The following ZNF385D variants were observed in gnomAD, a reference collection of about 807,000 sequenced individuals.
The protein encoded by ZNF385D is zinc finger protein 659.
A neutral mutation model predicts 35.8 loss-of-function variants in ZNF385D; 15 were observed. The ratio of observed to expected loss-of-function variants is 0.42; its 90% CI spans 0.28 to 0.64. The LOEUF is 0.64. ZNF385D is among the 30% of genes least tolerant of loss of function. ZNF385D has a pLI of 0.23. For missense variants in ZNF385D, 474 were observed against 494.6 expected, an observed-to-expected ratio of 0.96 and a Z score of 0.39; for synonymous variants, 212 against 186.8, an observed-to-expected ratio of 1.13 and a Z score of -1.10.
chr3:21,488,787 G>A (rs1705210926), intron 4 of ZNF385D, among the ~76,000 whole-genome samples: 1 of 151,916 alleles, frequency 6.6e-6, no homozygotes, highest in Non-Finnish European at 1.5e-5. Flanking sequence ...TTTTTTCTTA[G>A]GCCAGAGTTT....
chr3:21,995,287 G>A (rs1271113914), intron 3 of ZNF385D, among the ~76,000 whole-genome samples: 1 of 152,188 alleles, frequency 6.6e-6, no homozygotes, highest in Non-Finnish European at 1.5e-5. Context: ...GTGGCAAAAG[G>A]CCATGTGGGT....
intron 1 of ZNF385D, among the ~76,000 whole-genome samples, chr3:21,737,517 T>C (rs2069303917): frequency 6.6e-6 from 1 of 152,034 alleles, no homozygotes; most frequent in South Asian, 2.1e-4. Flanking sequence ...GATACGTATG[T>C]ATACGAAATA....
At chr3:21,971,323 G>A (rs1035725439) in intron 3 of ZNF385D, among the ~76,000 whole-genome samples, 2 of 151,948 alleles carry the variant, frequency 1.3e-5, no homozygotes, top group Non-Finnish European at 2.9e-5. Context: ...ACAGGATGAT[G>A]ATGTTAAAGT....
intron 3 of ZNF385D, among the ~76,000 whole-genome samples, chr3:21,993,707 A>G (rs1695290933): frequency 6.6e-6 from 1 of 152,188 alleles, no homozygotes; most frequent in Non-Finnish European, 1.5e-5. Flanking sequence ...TCACAATGCA[A>G]TGTTCCTTCC....
At chr3:22,179,589 G>T (rs1046852910) in intron 2 of ZNF385D, among the ~76,000 whole-genome samples, 6 of 152,078 alleles carry the variant, frequency 3.9e-5, no homozygotes, top group African/African-American at 4.8e-5. Context: ...TCCTTCTCCT[G>T]CCTGATTGCC....
At chr3:21,709,066 G>C (rs562340441) in intron 1 of ZNF385D, among the ~76,000 whole-genome samples, 1 of 152,100 alleles carries the variant, frequency 6.6e-6, no homozygotes, top group Admixed American at 6.5e-5. Context: ...ACTCTCACAG[G>C]CTCAATACTT....
intron 4 of ZNF385D, among the ~76,000 whole-genome samples, chr3:21,452,893 G>A (rs1027992829): frequency 1.3e-5 from 2 of 151,792 alleles, no homozygotes; most frequent in Non-Finnish European, 2.9e-5. Context: ...GTACTAAATA[G>A]CCAAAATGAT....
chr3:21,618,797 C>T (rs987802906), intron 2 of ZNF385D, among the ~76,000 whole-genome samples: 2 of 152,036 alleles, frequency 1.3e-5, no homozygotes, highest in African/African-American at 4.8e-5. Flanking sequence ...ACTTACCTGC[C>T]CACCAAACTT....
intron 2 of ZNF385D, among the ~76,000 whole-genome samples, chr3:21,632,573 C>T (rs1247228243): frequency 6.6e-6 from 1 of 152,052 alleles, no homozygotes; most frequent in Non-Finnish European, 1.5e-5. Flanking sequence ...GGGGAAAAGG[C>T]AACATAATAG....
intron 3 of ZNF385D, among the ~76,000 whole-genome samples, chr3:21,810,536 ATGTG>A (rs945083383): frequency 2.6e-4 from 39 of 152,082 alleles, no homozygotes; most frequent in African/African-American, 8.4e-4. Context: ...AAAACTATAT[ATGTG>A]TGTGTATGTA....
At chr3:22,341,031 G>A (rs1262088982) in intron 2 of ZNF385D, among the ~76,000 whole-genome samples, 3 of 152,132 alleles carry the variant, frequency 2.0e-5, no homozygotes, top group Non-Finnish European at 2.9e-5. Context: ...AAGCAAGCAA[G>A]GTCTTTCAAA....
At chr3:21,996,217 A>G (rs1695457428) in intron 3 of ZNF385D, among the ~76,000 whole-genome samples, 1 of 152,148 alleles carries the variant, frequency 6.6e-6, no homozygotes, top group Admixed American at 6.5e-5. Context: ...TTCCTATACT[A>G]GTCTCAGGGT....
At chr3:21,531,340 A>G (rs2061917331) in intron 3 of ZNF385D, among the ~76,000 whole-genome samples, 1 of 152,208 alleles carries the variant, frequency 6.6e-6, no homozygotes, top group Non-Finnish European at 1.5e-5. Context: ...ATTGGAAGAC[A>G]GTTTGTCAAT....
intron 3 of ZNF385D, among the ~76,000 whole-genome samples, chr3:21,765,688 C>T (rs1319067739): frequency 4.6e-5 from 7 of 151,242 alleles, no homozygotes; most frequent in East Asian, 2.0e-4. Flanking sequence ...CATATAAGTG[C>T]GTGCGTGCAT....
intron 2 of ZNF385D, among the ~76,000 whole-genome samples, chr3:21,657,679 T>C (rs571201469): frequency 1.1e-3 from 170 of 149,522 alleles, no homozygotes; most frequent in Non-Finnish European, 2.2e-3. Flanking sequence ...CTACCGCTTC[T>C]GTCTAAGAAA....
At chr3:22,163,853 G>A (rs1218037450) in intron 3 of ZNF385D, among the ~76,000 whole-genome samples, 2 of 152,146 alleles carry the variant, frequency 1.3e-5, no homozygotes, top group African/African-American at 2.4e-5. Flanking sequence ...TGTTTAAGGA[G>A]AAGAATGAAA....
chr3:21,859,810 C>A (rs1373134555), intron 3 of ZNF385D, among the ~76,000 whole-genome samples: 1 of 151,934 alleles, frequency 6.6e-6, no homozygotes, highest in African/African-American at 2.4e-5. Flanking sequence ...CAAGTTGCTT[C>A]CAAACGTGGC....
Position 21,465,647 on chromosome 3 carries a change from G to A in ZNF385D, c.440-28444C>T, listed in dbSNP as rs1203486609. ...GCACTCTTGTCTCACATCTGTGTAA[G>A]TCTCCGTGTATCTTATTTTCTTTCC... On this transcript the variant is annotated intron_variant, in intron 4 of 7. Transcript: ENST00000281523. This position sits in a 1 kb window ranked among gnomAD's most constrained non-coding sequence, Gnocchi z 4.2. Among the ~76,000 whole-genome samples the A allele has an allele frequency of 4.6e-5, 7 of 152,196 alleles. No individual in the cohort carries two copies. Among genetic ancestry groups the A allele is most frequent in the Non-Finnish European group, 1.5e-5 (1 of 68,044 alleles).
chr3:21,430,329 G>T (rs1479222805), intron 5 of ZNF385D, among the ~76,000 whole-genome samples: 1 of 152,078 alleles, frequency 6.6e-6, no homozygotes, highest in East Asian at 1.9e-4. Flanking sequence ...GTCCAATTTG[G>T]AAAGGTGAAA....
Sources: allele counts gnomAD v4.1 joint callset (sites outside exome capture counted in the v4.1 genomes callset), GRCh38; gene constraint gnomAD v4.1.1; non-coding constraint Gnocchi (gnomAD v3.1); transcripts MANE v1.5; gene names NCBI Gene and HGNC (gene_info 2026-07-23, HGNC 2026-07-21).